ADGRB3: variants seen among roughly 807,000 people sequenced by gnomAD.
ADGRB3 encodes the protein brain-specific angiogenesis inhibitor 3.
Under a neutral mutation model 193.4 loss-of-function variants are expected in ADGRB3, and 37 were observed. That is an observed-to-expected ratio of 0.19 (90% confidence interval 0.15 to 0.25). The LOEUF (loss-of-function observed/expected upper bound fraction) is 0.25. ADGRB3 is among the 10% of genes least tolerant of loss of function. The pLI, the probability that ADGRB3 is intolerant of heterozygous loss-of-function variation, is 1.00. For synonymous variants in ADGRB3, 690 were observed against 644.2 expected, an observed-to-expected ratio of 1.07 and a Z score of -1.08; for missense variants, 1,637 against 1,852.9, an observed-to-expected ratio of 0.88 and a Z score of 2.14.
At chr6:68,885,707 C>G (rs188667293) in intron 3 of ADGRB3, among the ~76,000 whole-genome samples, 24 of 152,228 alleles carry the variant, frequency 1.6e-4, no homozygotes, top group African/African-American at 5.5e-4. Flanking sequence ...ATCAAAGATA[C>G]AAAATTTCAG....
At chr6:68,770,494 A>G (rs1388790089) in intron 3 of ADGRB3, among the ~76,000 whole-genome samples, 2 of 152,096 alleles carry the variant, frequency 1.3e-5, no homozygotes, top group Non-Finnish European at 2.9e-5. Flanking sequence ...CCAGCAATCT[A>G]GATGAAATAA....
intron 13 of ADGRB3, among the ~76,000 whole-genome samples, chr6:69,022,206 A>G (rs890062021): frequency 6.6e-5 from 10 of 151,774 alleles, no homozygotes; most frequent in African/African-American, 2.4e-4. Flanking sequence ...TCAATTTTCA[A>G]TATGCCTCTT....
At chr6:69,356,566 C>T (rs1005808730) in intron 28 of ADGRB3, among the ~76,000 whole-genome samples, 3 of 152,046 alleles carry the variant, frequency 2.0e-5, no homozygotes, top group Non-Finnish European at 4.4e-5. Flanking sequence ...ATTGGAAACA[C>T]CATGACAGCA....
chr6:68,994,159 A>T (rs909885115), intron 11 of ADGRB3, among the ~76,000 whole-genome samples, 197 bp downstream of exon 11: 1 of 152,122 alleles, frequency 6.6e-6, no homozygotes, highest in African/African-American at 2.4e-5. Context: ...CATAAAATGC[A>T]TATATTACAC....
intron 3 of ADGRB3, among the ~76,000 whole-genome samples, chr6:68,732,040 A>C (rs1168169361): frequency 2.0e-5 from 3 of 151,822 alleles, no homozygotes; most frequent in Non-Finnish European, 4.4e-5. Flanking sequence ...AACATAATGC[A>C]TGAATTAATT....
chr6:68,884,198 TC>T (rs1765832975), intron 3 of ADGRB3, among the ~76,000 whole-genome samples: 1 of 152,168 alleles, frequency 6.6e-6, no homozygotes, highest in Non-Finnish European at 1.5e-5. Context: ...CTCTTTCACT[TC>T]CTTAGTAGGT....
intron 13 of ADGRB3, among the ~76,000 whole-genome samples, chr6:69,022,747 A>G (rs1770309194): frequency 6.6e-6 from 1 of 152,024 alleles, no homozygotes; most frequent in African/African-American, 2.4e-5. Context: ...GTAATAGCAT[A>G]AAACAAATAA....
chr6:68,980,236 C>A (rs531566690), intron 10 of ADGRB3, among the ~76,000 whole-genome samples: 3 of 151,604 alleles, frequency 2.0e-5, no homozygotes, highest in South Asian at 4.1e-4. Context: ...ATTTAGTCAT[C>A]TTTACCTAAC....
chr6:68,710,378 T>C (rs1765389821), intron 3 of ADGRB3, among the ~76,000 whole-genome samples: 6 of 152,092 alleles, frequency 3.9e-5, no homozygotes. Flanking sequence ...TTTGGGTAGT[T>C]CTCACTCTTC....
At chr6:68,890,857 G>A (rs539500712) in intron 3 of ADGRB3, among the ~76,000 whole-genome samples, 40 of 152,290 alleles carry the variant, frequency 2.6e-4, no homozygotes, top group Middle Eastern at 3.4e-3. Flanking sequence ...ATCATAGAGG[G>A]AGGTGGAAAG....
intron 23 of ADGRB3, chr6:69,331,512 T>C: frequency 1.0e-6 from 1 of 984,904 alleles, no homozygotes; most frequent in South Asian, 4.7e-5. Flanking sequence ...AATTCTGATA[T>C]GTCTGTTTTT....
intron 3 of ADGRB3, among the ~76,000 whole-genome samples, chr6:68,745,696 G>A (rs892277014): frequency 2.0e-5 from 3 of 150,858 alleles, no homozygotes; most frequent in Non-Finnish European, 4.4e-5. Context: ...TATTTATATT[G>A]TATATTAATA....
At chr6:69,340,495 A>T (rs1038317293) in intron 26 of ADGRB3, among the ~76,000 whole-genome samples, 12 of 152,186 alleles carry the variant, frequency 7.9e-5, no homozygotes, top group African/African-American at 2.9e-4. Context: ...CAATGTGCAC[A>T]TTGCAAAAAA....
intron 24 of ADGRB3, among the ~76,000 whole-genome samples, chr6:69,336,544 T>C (rs796712878): frequency 8.5e-5 from 13 of 152,100 alleles, no homozygotes; most frequent in African/African-American, 2.6e-4. Flanking sequence ...CTAGAACTTG[T>C]AGATTTTAAG....
chr6:68,810,335 A>T (rs1464017016), intron 3 of ADGRB3, among the ~76,000 whole-genome samples: 6 of 152,210 alleles, frequency 3.9e-5, no homozygotes, highest in Admixed American at 3.9e-4. Flanking sequence ...ACCCCAACCC[A>T]AATGAGAACC....
chr6:69,001,396 A>G (rs1318258069), intron 11 of ADGRB3, among the ~76,000 whole-genome samples: 1 of 152,236 alleles, frequency 6.6e-6, no homozygotes, highest in African/African-American at 2.4e-5. Flanking sequence ...AGGCCACATA[A>G]AAGAGTTTGA....
chr6:68,666,127 C>G (rs1157847246), intron 3 of ADGRB3, among the ~76,000 whole-genome samples: 2 of 151,812 alleles, frequency 1.3e-5, no homozygotes, highest in African/African-American at 2.4e-5. Flanking sequence ...TAGACAAGAT[C>G]TCGAATCACA....
intron 3 of ADGRB3, among the ~76,000 whole-genome samples, chr6:68,891,031 G>A (rs924781119): frequency 1.3e-5 from 2 of 152,158 alleles, no homozygotes; most frequent in Admixed American, 1.3e-4. Context: ...GAAGTTTAGT[G>A]GACTTACAGT....
intron 3 of ADGRB3, among the ~76,000 whole-genome samples, chr6:68,763,129 C>T (rs1766443878): frequency 6.6e-6 from 1 of 152,280 alleles, no homozygotes; most frequent in African/African-American, 2.4e-5. Flanking sequence ...CTGGCTCTGT[C>T]ACCCAGGCTG....
Sources: gnomAD v4.1 joint callset for allele counts (sites outside exome capture counted in the v4.1 genomes callset) on GRCh38, gnomAD v4.1.1 for gene constraint, MANE v1.5 for transcripts, NCBI Gene and HGNC (gene_info 2026-07-23, HGNC 2026-07-21) for gene names.